TBC1D1: variants seen among roughly 807,000 people sequenced by gnomAD.
TBC1D1 encodes the protein TBC1 (tre-2/USP6, BUB2, cdc16) domain family, member 1.
A neutral mutation model predicts 125.6 loss-of-function variants in TBC1D1; 89 were observed. That is an observed-to-expected ratio of 0.71 (90% CI 0.60 to 0.85). TBC1D1 has a LOEUF of 0.85. Ranked by LOEUF, TBC1D1 falls within the 40% of genes least tolerant of loss-of-function variation. The probability of loss-of-function intolerance (pLI) is 0.00; values close to 1 mark genes in which losing one functional copy is unlikely to be tolerated. For missense variants in TBC1D1, 1,377 were observed against 1,469.2 expected, an observed-to-expected ratio of 0.94 and a Z score of 1.03; for synonymous variants, 565 against 564.1, an observed-to-expected ratio of 1.00 and a Z score of -0.02.
At chr4:37,973,140 T>C (rs1376715419) in intron 2 of TBC1D1, among the ~76,000 whole-genome samples, 3 of 152,292 alleles carry the variant, frequency 2.0e-5, no homozygotes, top group Middle Eastern at 3.4e-3. Flanking sequence ...AGGCTCCTCC[T>C]ACTTTCCCAT....
At chr4:37,903,119 T>A (rs143916432) in intron 2 of TBC1D1, among the ~76,000 whole-genome samples, 1 of 152,334 alleles carries the variant, frequency 6.6e-6, no homozygotes, top group Non-Finnish European at 1.5e-5. Flanking sequence ...TGCATCTAAG[T>A]TTTGATGCGA....
At chr4:38,023,986 T>C (rs573962112) in intron 6 of TBC1D1, among the ~76,000 whole-genome samples, 7 of 152,354 alleles carry the variant, frequency 4.6e-5, no homozygotes, top group Admixed American at 3.9e-4. Context: ...TGCTACTTTC[T>C]GTTTTTGTTT....
chr4:38,012,897 A>C (rs571985465), intron 2 of TBC1D1, among the ~76,000 whole-genome samples: 76 of 152,132 alleles, frequency 5.0e-4, no homozygotes, highest in Non-Finnish European at 9.3e-4. Flanking sequence ...AGGTTCAAGC[A>C]ATTCTCCTGC....
Position 38,044,342 on chromosome 4 carries a change from TTC to T in TBC1D1, c.1414-19_1414-18del, listed in dbSNP as rs537205120. The T allele has an allele frequency of 2.4e-4, 377 of 1,590,668 alleles. 1 individual carries two copies. In the African/African-American group the frequency reaches 4.8e-3, roughly 20 times the overall value. ...CAGAGAAGGGAGCGATAAATGACTT[TTC>T]GTTTTTCACTTTTTTAGACATCGCA... On this transcript the variant is annotated intron_variant, in intron 8 of 19. Coordinates refer to ENST00000261439, the MANE Select transcript of TBC1D1 (RefSeq NM_015173.4).
intron 12 of TBC1D1, among the ~76,000 whole-genome samples, chr4:38,080,243 C>G (rs138242480): frequency 1.1e-4 from 17 of 152,344 alleles, no homozygotes; most frequent in Middle Eastern, 3.4e-3. Context: ...TGACCAGCAG[C>G]TGTAATCACA....
At chr4:38,137,060 G>T in intron 19 of TBC1D1, 75 bp from the exon 22 acceptor site, 40 of 1,603,526 alleles carry the variant, frequency 2.5e-5, no homozygotes, top group Non-Finnish European at 3.4e-5. Context: ...CCCAAGGCTG[G>T]ACAGCGTGTG....
intron 9 of TBC1D1, 51 bp from the exon 10 acceptor site, chr4:38,045,766 C>T (rs1434074951): frequency 7.1e-7 from 1 of 1,414,704 alleles, no homozygotes; most frequent in Admixed American, 1.7e-5. Flanking sequence ...CTAGCTGATG[C>T]CTTTGCAAAA....
intron 2 of TBC1D1, among the ~76,000 whole-genome samples, chr4:37,953,263 G>T (rs1388892114): frequency 6.6e-6 from 1 of 152,220 alleles, no homozygotes; most frequent in Non-Finnish European, 1.5e-5. Flanking sequence ...GAGAAATGGT[G>T]TTTTTAATCT....
At chr4:37,940,362 C>T (rs1294101737) in intron 2 of TBC1D1, among the ~76,000 whole-genome samples, 15 of 152,238 alleles carry the variant, frequency 9.9e-5, no homozygotes, top group Non-Finnish European at 1.5e-4. Flanking sequence ...GTGATTTTTG[C>T]GCATTGATTT....
rs775547173 is a variant in TBC1D1, at chr4:38,014,898, T to G, written c.807T>G (p.Ile269Met). The change falls in exon 3 of 20, where the codon ATT (isoleucine) becomes ATG (methionine). Residue 269 changes from isoleucine (I) to methionine (M), a missense_variant. Transcript: ENST00000261439. The surrounding 1 kb of genome is among the most constrained non-coding windows in gnomAD (Gnocchi z 5.1). ...TCAGCTCCTTCGAGGAGAGCGACAT[T>G]GAGAACCACCTCATTAGCGGACACA... 3.7e-6 allele frequency: 6 copies of G among 1,602,674 alleles called. No individual in the cohort carries two copies. Among genetic ancestry groups the G allele is most frequent in the Non-Finnish European group, 2.6e-6 (3 of 1,171,648 alleles).
intron 2 of TBC1D1, among the ~76,000 whole-genome samples, chr4:37,943,906 G>A (rs941766169): frequency 6.6e-6 from 1 of 152,152 alleles, no homozygotes; most frequent in South Asian, 2.1e-4. Flanking sequence ...AGGGGGAGAG[G>A]CACTCTGATT....
intron 2 of TBC1D1, among the ~76,000 whole-genome samples, chr4:37,970,813 T>C (rs766970138): frequency 1.3e-5 from 2 of 152,250 alleles, no homozygotes; most frequent in Non-Finnish European, 2.9e-5. Flanking sequence ...TCTGATTCAC[T>C]TGAAACCCAG....
intron 2 of TBC1D1, among the ~76,000 whole-genome samples, chr4:37,905,329 G>A (rs577834996): frequency 6.6e-6 from 1 of 152,212 alleles, no homozygotes; most frequent in Non-Finnish European, 1.5e-5. Flanking sequence ...CAGCCATTGA[G>A]TCGGTCTCTA....
At chr4:38,050,725 AT>A (rs1295456425) in intron 11 of TBC1D1, among the ~76,000 whole-genome samples, 1 of 152,222 alleles carries the variant, frequency 6.6e-6, no homozygotes, top group Non-Finnish European at 1.5e-5. Context: ...CCCAGGACCT[AT>A]GTGTTCGTGT....
chr4:38,110,648 CCACTT>C, intron 15 of TBC1D1: 2 of 985,416 alleles, frequency 2.0e-6, no homozygotes, highest in Non-Finnish European at 2.4e-6. Flanking sequence ...TTGACCCTCT[CCACTT>C]AACAGTCCCA....
chr4:37,991,577 T>C (rs1316033926), intron 2 of TBC1D1, among the ~76,000 whole-genome samples: 2 of 151,408 alleles, frequency 1.3e-5, no homozygotes, highest in African/African-American at 4.9e-5. Flanking sequence ...GGCTTGTGAG[T>C]TTCAGAGAAT....
chr4:38,014,615 T>G lies in TBC1D1; in HGVS notation c.524T>G (p.Val175Gly). The G allele has an allele frequency of 6.2e-7, 1 of 1,613,384 alleles. No individual in the cohort carries two copies. Among genetic ancestry groups the G allele is most frequent in the Non-Finnish European group, 8.5e-7 (1 of 1,180,018 alleles). ...GACACGTTTTCCAAGAAGTTCGAGG[T>G]GCTCTTCTGCGGCCGCGTGACGGTG... is the stretch of plus-strand genomic sequence containing the variant. Residue 175 changes from valine to glycine, a missense_variant, in exon 3 of 20, where the codon GTG becomes GGG. By Grantham distance (109) the Val-to-Gly change is moderately radical (BLOSUM62 -3). Coordinates refer to ENST00000261439, the MANE Select transcript of TBC1D1 (RefSeq NM_015173.4). This position sits in a 1 kb window ranked among gnomAD's most constrained non-coding sequence, Gnocchi z 5.1.
intron 2 of TBC1D1, among the ~76,000 whole-genome samples, chr4:37,929,083 C>T (rs751938701): frequency 2.0e-5 from 3 of 152,178 alleles, no homozygotes; most frequent in Non-Finnish European, 4.4e-5. Context: ...CAAGACGGTT[C>T]AATGCCAAAC....
chr4:38,071,068 G>A (rs1754625043), intron 12 of TBC1D1, among the ~76,000 whole-genome samples: 1 of 152,190 alleles, frequency 6.6e-6, no homozygotes, highest in African/African-American at 2.4e-5. Flanking sequence ...AGTGATTTGA[G>A]CTGAGAACAT....
Sources: allele counts gnomAD v4.1 joint callset (sites outside exome capture counted in the v4.1 genomes callset), GRCh38; gene constraint gnomAD v4.1.1; non-coding constraint Gnocchi (gnomAD v3.1); transcripts MANE v1.5; gene names NCBI Gene and HGNC (gene_info 2026-07-23, HGNC 2026-07-21).